Variants in TECRL observed in about 807,000 individuals in gnomAD.
TECRL encodes trans-2,3-enoyl-CoA reductase like.
TECRL carries 63 observed loss-of-function variants against 52.8 expected under a neutral mutation model. The ratio of observed to expected loss-of-function variants is 1.19; its 90% CI spans 0.97 to 1.47. The LOEUF is 1.47. TECRL is among the 40% of genes most tolerant of loss of function. The pLI, the probability that TECRL is intolerant of heterozygous loss-of-function variation, is 0.00. For synonymous variants in TECRL, 164 were observed against 141.9 expected (o/e 1.16, Z -1.10); for missense variants, 482 against 429.6 (o/e 1.12, Z -1.08).
chr4:64,294,336 C>T (rs1192043782), intron 8 of TECRL, among the ~76,000 whole-genome samples: 2 of 152,012 alleles, frequency 1.3e-5, no homozygotes, highest in Non-Finnish European at 2.9e-5. Context: ...AAGTAATAGT[C>T]ATTTTATTAA....
intron 1 of TECRL, among the ~76,000 whole-genome samples, chr4:64,383,982 T>G (rs1722997278): frequency 6.6e-6 from 1 of 152,108 alleles, no homozygotes; most frequent in African/African-American, 2.4e-5. Flanking sequence ...CTCTGTATGA[T>G]TTATGCTGTA....
intron 2 of TECRL, among the ~76,000 whole-genome samples, chr4:64,369,271 C>A (rs528599886): frequency 6.6e-6 from 1 of 152,020 alleles, no homozygotes; most frequent in South Asian, 2.1e-4. Context: ...GAGAATATTT[C>A]GTTAGCAATT....
chr4:64,332,211 G>A (rs1305927521), intron 2 of TECRL, among the ~76,000 whole-genome samples: 1 of 152,010 alleles, frequency 6.6e-6, no homozygotes, highest in Non-Finnish European at 1.5e-5. Flanking sequence ...GAGCCTAATG[G>A]GACAAAAATC....
At chr4:64,298,422 GA>G (rs1054127779) in intron 8 of TECRL, among the ~76,000 whole-genome samples, 7 of 150,832 alleles carry the variant, frequency 4.6e-5, no homozygotes, top group East Asian at 1.9e-4. Context: ...AGTCTCTGGG[GA>G]AAAAAAGTAT....
At chr4:64,335,088 T>G (rs1718959635) in intron 2 of TECRL, among the ~76,000 whole-genome samples, 1 of 152,156 alleles carries the variant, frequency 6.6e-6, no homozygotes, top group South Asian at 2.1e-4. Flanking sequence ...CAACATACTT[T>G]AAGGCAGGGG....
At chr4:64,345,929 A>AAAC (rs1560516758) in intron 2 of TECRL, among the ~76,000 whole-genome samples, 2 of 147,346 alleles carry the variant, frequency 1.4e-5, no homozygotes, top group East Asian at 4.0e-4. Flanking sequence ...AAAAAAAAAA[A>AAAC]AACATTTATC....
intron 2 of TECRL, among the ~76,000 whole-genome samples, chr4:64,356,266 G>A (rs1488164719): frequency 6.6e-6 from 1 of 152,140 alleles, no homozygotes; most frequent in African/African-American, 2.4e-5. Context: ...GGATGCGAAA[G>A]ACCTGACCGT....
intron 2 of TECRL, among the ~76,000 whole-genome samples, chr4:64,340,328 C>T (rs1408994754): frequency 6.6e-6 from 1 of 152,220 alleles, no homozygotes; most frequent in African/African-American, 2.4e-5. Flanking sequence ...CCACCCAAAT[C>T]ATGGCTGCAG....
chr4:64,383,045 A>G (rs1471304785), intron 1 of TECRL, among the ~76,000 whole-genome samples: 1 of 152,106 alleles, frequency 6.6e-6, no homozygotes, highest in Non-Finnish European at 1.5e-5. Context: ...TTGGAGGATG[A>G]CTTTGCTACA....
chr4:64,292,780 C>A (rs551806375), intron 8 of TECRL, among the ~76,000 whole-genome samples: 1 of 151,932 alleles, frequency 6.6e-6, no homozygotes, highest in Admixed American at 6.6e-5. Context: ...GTGCTTTTTG[C>A]TCTACAATGT....
At chr4:64,328,472 T>C (rs537609280) in intron 3 of TECRL, 40 bp downstream of exon 3, 8 of 1,564,192 alleles carry the variant, frequency 5.1e-6, no homozygotes, top group Non-Finnish European at 6.1e-6. Flanking sequence ...GAAAAGGGAT[T>C]ATAAATTAAA....
intron 5 of TECRL, among the ~76,000 whole-genome samples, chr4:64,314,074 CG>C (rs1399155047): frequency 3.3e-5 from 5 of 150,820 alleles, no homozygotes; most frequent in Non-Finnish European, 5.9e-5. Flanking sequence ...AGTGTGAACC[CG>C]GGAGGCGGAG....
At position 64,378,931 on chromosome 4, in the gene TECRL, T is replaced by C. The variant is rs556513614; in HGVS notation, c.235-3708A>G. 7.6e-4 allele frequency among the ~76,000 whole-genome samples: 70 copies of C among 91,512 alleles called. No individual in the cohort carries two copies. In the South Asian group the frequency reaches 0.024, roughly 32 times the overall value. The allele number at this position is 91,512 out of a possible 152,430, so 60.0% of individuals were successfully genotyped here. On this transcript the variant is annotated intron_variant, in intron 1 of 11. Transcript: ENST00000381210. ...ACTAAATTATTTAAAATTAGTTCTT[T>C]GTTAAGTAAAACTATATGTATATAC...
chr4:64,405,646 A>T (rs1724663920), intron 1 of TECRL, among the ~76,000 whole-genome samples: 1 of 152,170 alleles, frequency 6.6e-6, no homozygotes, highest in Non-Finnish European at 1.5e-5. Context: ...GTTACAGTAT[A>T]TGTTTATGAG....
At chr4:64,403,935 T>C (rs905462036) in intron 1 of TECRL, among the ~76,000 whole-genome samples, 1 of 151,644 alleles carries the variant, frequency 6.6e-6, no homozygotes, top group African/African-American at 2.4e-5. Flanking sequence ...CATGTGGCCA[T>C]TCTAAGGCAG....
intron 2 of TECRL, among the ~76,000 whole-genome samples, chr4:64,336,684 T>C (rs112087740): frequency 6.6e-6 from 1 of 152,198 alleles, no homozygotes; most frequent in Non-Finnish European, 1.5e-5. Flanking sequence ...TTTAAATGTG[T>C]CCCAGAGATT....
intron 2 of TECRL, among the ~76,000 whole-genome samples, chr4:64,366,420 A>G (rs1721601866): frequency 6.6e-6 from 1 of 152,132 alleles, no homozygotes; most frequent in Non-Finnish European, 1.5e-5. Flanking sequence ...AATCTGATCT[A>G]ATTAAACTAA....
In TECRL at chr4:64,409,277, T is replaced by C. The variant is rs762325165; in HGVS notation, c.75A>G (p.Ile25Met). 27 of 1,613,880 alleles carry C rather than the reference T, an allele frequency of 1.7e-5. No individual in the cohort carries two copies. Among genetic ancestry groups the C allele is most frequent in the Non-Finnish European group, 2.3e-5 (27 of 1,179,840 alleles). The change falls in exon 1 of 12, where the codon ATA becomes ATG. Residue 25 changes from isoleucine to methionine, a missense_variant. Coordinates refer to ENST00000381210, the MANE Select transcript of TECRL (RefSeq NM_001010874.5). The part of the protein sequence containing the change: ...ALLSQRATRF[I>M]LKDDMRNFHF... ...GAAAATTTCTCATATCATCCTTCAG[T>C]ATGAACCGTGTAGCTCTTTGGGAAA...
intron 4 of TECRL, among the ~76,000 whole-genome samples, chr4:64,315,952 C>CAATCTCATTTGA (rs1445425709): frequency 6.6e-6 from 1 of 151,912 alleles, no homozygotes; most frequent in Non-Finnish European, 1.5e-5. Context: ...ATATAAAAAG[C>CAATCTCATTTGA]AATCTCATTT....
Sources: gnomAD v4.1 joint callset for allele counts (sites outside exome capture counted in the v4.1 genomes callset) on GRCh38, gnomAD v4.1.1 for gene constraint, MANE v1.5 for transcripts, NCBI Gene and HGNC (gene_info 2026-07-23, HGNC 2026-07-21) for gene names.